The following FHIT variants were observed in gnomAD, a reference collection of about 807,000 sequenced individuals.
FHIT encodes bis(5'-adenosyl)-triphosphatase.
In FHIT, 19 loss-of-function variants were observed where a neutral mutation model predicts 17.9. The ratio of observed to expected loss-of-function variants is 1.06; its 90% CI spans 0.74 to 1.56. The LOEUF (loss-of-function observed/expected upper bound fraction) is 1.56. Ranked by LOEUF, FHIT falls within the 40% of genes most tolerant of loss-of-function variation. The pLI is 0.00. For missense variants in FHIT, 248 were observed against 189.2 expected (o/e 1.31, Z -1.82); for synonymous variants, 81 against 69.7 (o/e 1.16, Z -0.81).
At chr3:60,153,475 C>G (rs903562919) in intron 5 of FHIT, among the ~76,000 whole-genome samples, 8 of 151,642 alleles carry the variant, frequency 5.3e-5, no homozygotes, top group African/African-American at 1.9e-4. Context: ...AGTCATTACA[C>G]TAAAATTCTA....
chr3:60,915,942 T>C (rs529451698), intron 3 of FHIT, among the ~76,000 whole-genome samples: 27 of 152,290 alleles, frequency 1.8e-4, no homozygotes, highest in African/African-American at 6.5e-4. Flanking sequence ...CCACTCATGC[T>C]GTTAATGATC....
chr3:60,794,887 A>G (rs1553729761), intron 4 of FHIT, among the ~76,000 whole-genome samples: 1 of 152,148 alleles, frequency 6.6e-6, no homozygotes, highest in Non-Finnish European at 1.5e-5. Flanking sequence ...TTCTTTGACT[A>G]TGTAATACAT....
chr3:61,210,772 G>A (rs956305137), intron 1 of FHIT, among the ~76,000 whole-genome samples: 8 of 151,784 alleles, frequency 5.3e-5, no homozygotes, highest in East Asian at 2.0e-4. Context: ...GCAATGCCTC[G>A]CCCTGCTTCG....
intron 2 of FHIT, among the ~76,000 whole-genome samples, chr3:61,172,315 C>A (rs1391714021): frequency 6.6e-6 from 1 of 152,074 alleles, no homozygotes; most frequent in African/African-American, 2.4e-5. Flanking sequence ...GTAAACTTAG[C>A]TTAAAATATG....
Position 60,019,415 on chromosome 3 carries a change from CTTT to C in FHIT, c.104-5266_104-5264del, listed in dbSNP as rs1281567026. On this transcript the variant is annotated intron_variant, in intron 5 of 9. Coordinates refer to ENST00000492590, the MANE Select transcript of FHIT (RefSeq NM_002012.4). ...ATGGCATTTTAGAGTTGAGATGCTC[CTTT>C]TTTTTTTTTTTTTTCCTGAGATGGA... Among the ~76,000 whole-genome samples the C allele has an allele frequency of 5.8e-5, 7 of 121,088 alleles. No individual in the cohort carries two copies. In the East Asian group the frequency reaches 1.4e-3, roughly 24 times the overall value. 79.4% of individuals were successfully genotyped at this position (121,088 alleles called of 152,430 possible). A position where few individuals can be genotyped will look rare whatever the true frequency, so the allele number is the denominator to read the frequency against.
At chr3:60,857,203 A>T (rs1259933918) in intron 3 of FHIT, among the ~76,000 whole-genome samples, 1 of 152,160 alleles carries the variant, frequency 6.6e-6, no homozygotes, top group East Asian at 1.9e-4. Flanking sequence ...GTTCAAGGGC[A>T]TGTATGAAAA....
chr3:60,340,964 C>G (rs999057059), intron 5 of FHIT, among the ~76,000 whole-genome samples: 1 of 152,150 alleles, frequency 6.6e-6, no homozygotes, highest in Non-Finnish European at 1.5e-5. Flanking sequence ...TGCTGGATTA[C>G]AGGTGTGAGC....
chr3:59,986,758 A>AT (rs1708973875), intron 7 of FHIT, among the ~76,000 whole-genome samples: 2 of 33,916 alleles, frequency 5.9e-5, no homozygotes, highest in African/African-American at 1.8e-4. Flanking sequence ...ATATATATAT[A>AT]AATATATTTA....
In FHIT at chr3:60,376,760, G is replaced by A. The variant is rs141904388; in HGVS notation, c.103+160100C>T. On this transcript the variant is annotated intron_variant, in intron 5 of 9. Coordinates refer to ENST00000492590, the MANE Select transcript of FHIT (RefSeq NM_002012.4). ...CGTATTACCTTTTCCAGGGACAAAT[G>A]CTCTATAATGTTATTCTCTGCCATC... 5.6e-3 allele frequency among the ~76,000 whole-genome samples: 849 copies of A among 152,242 alleles called. 10 individuals are homozygous for A. The highest frequency in any genetic ancestry group is 0.017 in the African/African-American group (716 of 41,520).
At chr3:60,353,785 T>C (rs1366379118) in intron 5 of FHIT, among the ~76,000 whole-genome samples, 1 of 151,942 alleles carries the variant, frequency 6.6e-6, no homozygotes, top group Non-Finnish European at 1.5e-5. Flanking sequence ...CAAGCAAAAA[T>C]CAAGTTAAAA....
At chr3:60,377,116 G>A (rs1700594829) in intron 5 of FHIT, among the ~76,000 whole-genome samples, 1 of 151,972 alleles carries the variant, frequency 6.6e-6, no homozygotes, top group African/African-American at 2.4e-5. Context: ...AAAGAAAGCT[G>A]TGTTCAGGAG....
intron 5 of FHIT, among the ~76,000 whole-genome samples, chr3:60,497,825 T>C (rs1435371874): frequency 6.6e-6 from 1 of 152,204 alleles, no homozygotes; most frequent in African/African-American, 2.4e-5. Context: ...CTTAAGTACA[T>C]GGCTTAGGAT....
intron 3 of FHIT, among the ~76,000 whole-genome samples, chr3:60,842,639 ATATATATTTT>A (rs1702771887): frequency 1.4e-3 from 60 of 43,400 alleles, no homozygotes; most frequent in African/African-American, 3.1e-3. Flanking sequence ...GTATATATAT[ATATATATTTT>A]TTTTTTTTTT....
chr3:60,015,891 T>C (rs371608464), intron 5 of FHIT, among the ~76,000 whole-genome samples: 5 of 152,360 alleles, frequency 3.3e-5, no homozygotes, highest in East Asian at 3.9e-4. Context: ...TTTGTCAATT[T>C]TGCTTGTTTG....
intron 5 of FHIT, among the ~76,000 whole-genome samples, chr3:60,125,911 CTT>C (rs1282592173): frequency 1.3e-5 from 2 of 152,152 alleles, no homozygotes; most frequent in Admixed American, 6.5e-5. Flanking sequence ...TGAGAGGCCT[CTT>C]TGTGTGAAAC....
intron 2 of FHIT, among the ~76,000 whole-genome samples, chr3:61,147,839 AACT>A (rs2037270588): frequency 6.6e-6 from 1 of 151,994 alleles, no homozygotes; most frequent in African/African-American, 2.4e-5. Flanking sequence ...CCTTGGAAAA[AACT>A]ACAAACAAAT....
chr3:60,228,711 T>C (rs1704339955), intron 5 of FHIT, among the ~76,000 whole-genome samples: 1 of 152,164 alleles, frequency 6.6e-6, no homozygotes, highest in Non-Finnish European at 1.5e-5. Flanking sequence ...TTTAAAAATA[T>C]TCTTACGAGA....
intron 2 of FHIT, among the ~76,000 whole-genome samples, chr3:61,081,607 A>G (rs1181516814): frequency 6.6e-6 from 1 of 152,204 alleles, no homozygotes; most frequent in African/African-American, 2.4e-5. Context: ...GACTTCTGGT[A>G]GAATCCTTCC....
chr3:61,147,109 T>G (rs2037248317), intron 2 of FHIT, among the ~76,000 whole-genome samples: 1 of 151,998 alleles, frequency 6.6e-6, no homozygotes, highest in South Asian at 2.1e-4. Context: ...TTGTTGTTGT[T>G]TTCTACCTCT....
Sources: allele counts gnomAD v4.1 joint callset (sites outside exome capture counted in the v4.1 genomes callset), GRCh38; gene constraint gnomAD v4.1.1; transcripts MANE v1.5; gene names NCBI Gene and HGNC (gene_info 2026-07-23, HGNC 2026-07-21).